Variants in GRIN2A observed in about 807,000 individuals in gnomAD.
GRIN2A encodes the protein glutamate ionotropic receptor NMDA type subunit 2A, also known as glutamate receptor ionotropic, NMDA 2A.
Under a neutral mutation model 113.4 loss-of-function variants are expected in GRIN2A, and 22 were observed. That is an observed-to-expected ratio of 0.19 (90% CI 0.14 to 0.28). The LOEUF (loss-of-function observed/expected upper bound fraction) is 0.28. GRIN2A is among the 10% of genes least tolerant of loss of function. The pLI is 1.00. For synonymous variants in GRIN2A, 827 were observed against 738.4 expected (o/e 1.12, Z -1.94); for missense variants, 1,502 against 1,887.0 (o/e 0.80, Z 3.78).
At chr16:10,022,970 T>C (rs1366380995) in intron 2 of GRIN2A, among the ~76,000 whole-genome samples, 2 of 152,132 alleles carry the variant, frequency 1.3e-5, no homozygotes, top group East Asian at 3.9e-4. Flanking sequence ...GATAAACTGC[T>C]CAGTTTGTAG....
At position 10,180,347 on chromosome 16, in the gene GRIN2A, G is replaced by T; in HGVS notation, c.65C>A (p.Ala22Glu). 6.2e-7 allele frequency: 1 copy of T among 1,608,218 alleles called. No homozygotes were observed. Among genetic ancestry groups the T allele is most frequent in the Non-Finnish European group, 8.5e-7 (1 of 1,179,854 alleles). The change falls in exon 2 of 13, where the codon GCG (alanine) becomes GAG (glutamate). Residue 22 changes from alanine to glutamate, a missense_variant. Physicochemically the swap from Ala to Glu is moderately radical, Grantham distance 107. Coordinates refer to ENST00000330684, the MANE Select transcript of GRIN2A (RefSeq NM_001134407.3). This position sits in a 1 kb window ranked among gnomAD's most constrained non-coding sequence, Gnocchi z 7.0. ...ACCCTTCTCCGCCGCCGCGCTCGGC[G>T]CCGGACCGCGCCAGACCAGAAGGGC... is the stretch of plus-strand genomic sequence containing the variant. ...LPALLVWRGP[A>E]PSAAAEKGPP...
At chr16:9,789,394 A>G (rs1046209840) in intron 11 of GRIN2A, among the ~76,000 whole-genome samples, 1 of 152,186 alleles carries the variant, frequency 6.6e-6, no homozygotes, top group Non-Finnish European at 1.5e-5. Flanking sequence ...AAAGAGACTG[A>G]ATCCCATATT....
intron 2 of GRIN2A, among the ~76,000 whole-genome samples, chr16:10,026,993 C>G (rs887993755): frequency 6.6e-6 from 1 of 152,168 alleles, no homozygotes; most frequent in African/African-American, 2.4e-5. Context: ...CACCACCACC[C>G]AAGGGCTTCC....
chr16:9,910,169 T>C (rs2044105908), intron 3 of GRIN2A, among the ~76,000 whole-genome samples: 1 of 152,172 alleles, frequency 6.6e-6, no homozygotes, highest in Non-Finnish European at 1.5e-5. Context: ...AACATTCTAG[T>C]ACAAGTTTTT....
At chr16:10,171,653 T>A (rs2050044917) in intron 2 of GRIN2A, 1 of 152,338 alleles carries the variant, frequency 6.6e-6, no homozygotes, top group African/African-American at 2.4e-5. Flanking sequence ...CATACCCTCA[T>A]GTAACCACAT....
At chr16:10,075,413 T>C (rs2047850513) in intron 2 of GRIN2A, among the ~76,000 whole-genome samples, 1 of 151,752 alleles carries the variant, frequency 6.6e-6, no homozygotes, top group East Asian at 1.9e-4. Flanking sequence ...AGACAGAAAG[T>C]AGAATAGTAG....
chr16:10,182,607 CT>C (rs1422018328), upstream of GRIN2A: 1 of 147,900 alleles, frequency 6.8e-6, no homozygotes, highest in Non-Finnish European at 1.5e-5. Flanking sequence ...CACCTCCCCC[CT>C]TCCCAAGGGG....
intron 2 of GRIN2A, among the ~76,000 whole-genome samples, chr16:10,161,048 G>A (rs2049799294): frequency 6.6e-6 from 1 of 152,210 alleles, no homozygotes; most frequent in Admixed American, 6.5e-5. Flanking sequence ...ATATGGTTTG[G>A]CTGTGTCCCC....
chr16:9,827,496 G>C (rs2141306640), intron 9 of GRIN2A, among the ~76,000 whole-genome samples: 1 of 152,346 alleles, frequency 6.6e-6, no homozygotes, highest in East Asian at 1.9e-4. Context: ...CCTGCAGGGA[G>C]CTCCAGAGAG....
intron 2 of GRIN2A, chr16:10,111,595 A>C (rs2048615571): frequency 9.5e-7 from 1 of 1,049,168 alleles, no homozygotes; most frequent in African/African-American, 1.6e-5. Flanking sequence ...CCCTATGGAC[A>C]CTGAGACAGA....
intron 5 of GRIN2A, among the ~76,000 whole-genome samples, chr16:9,846,503 A>G (rs189407711): frequency 1.2e-3 from 186 of 152,332 alleles, no homozygotes; most frequent in African/African-American, 4.2e-3. Context: ...TTGTGTGATA[A>G]TAGCTGAGAC....
intron 4 of GRIN2A, among the ~76,000 whole-genome samples, chr16:9,863,120 G>C (rs1426134448): frequency 6.6e-6 from 1 of 152,210 alleles, no homozygotes; most frequent in South Asian, 2.1e-4. Flanking sequence ...GGCAGGAGCT[G>C]TTACCACTGC....
At chr16:10,080,584 T>C (rs991615587) in intron 2 of GRIN2A, among the ~76,000 whole-genome samples, 3 of 152,190 alleles carry the variant, frequency 2.0e-5, no homozygotes, top group African/African-American at 4.8e-5. Flanking sequence ...AAATGAGTCA[T>C]GCAGAGGCTG....
chr16:10,089,421 A>G (rs2048143607), intron 2 of GRIN2A, among the ~76,000 whole-genome samples: 1 of 152,222 alleles, frequency 6.6e-6, no homozygotes. Context: ...TAAGCACAAC[A>G]ATGAATGTTA....
At chr16:10,159,378 G>C (rs1103655) in intron 2 of GRIN2A, among the ~76,000 whole-genome samples, 1 of 152,062 alleles carries the variant, frequency 6.6e-6, no homozygotes, top group South Asian at 2.1e-4. Flanking sequence ...GCACCTAGGG[G>C]AACAGGTCAG....
At chr16:10,126,683 C>G (rs773211706) in intron 2 of GRIN2A, among the ~76,000 whole-genome samples, 21 of 152,116 alleles carry the variant, frequency 1.4e-4, no homozygotes, top group Admixed American at 7.9e-4. Flanking sequence ...TTTTCCCTAC[C>G]ATTTGTTGGT....
intron 10 of GRIN2A, among the ~76,000 whole-genome samples, chr16:9,818,254 T>C (rs536551790): frequency 1.4e-4 from 22 of 152,112 alleles, no homozygotes; most frequent in African/African-American, 4.1e-4. Context: ...GGTGTAGCTC[T>C]GTGGTGGTAA....
chr16:10,104,783 C>T (rs1391312665), intron 2 of GRIN2A, among the ~76,000 whole-genome samples: 2 of 152,040 alleles, frequency 1.3e-5, no homozygotes, highest in Non-Finnish European at 2.9e-5. Flanking sequence ...CATCGTAGAC[C>T]CCACTGTGTG....
chr16:10,072,954 T>C (rs1480198902), intron 2 of GRIN2A, among the ~76,000 whole-genome samples: 3 of 139,600 alleles, frequency 2.1e-5, no homozygotes, highest in African/African-American at 7.6e-5. Context: ...CCCTTTTTTT[T>C]TTTTTTTTTT....
Sources: gnomAD v4.1 joint callset for allele counts (sites outside exome capture counted in the v4.1 genomes callset) on GRCh38, gnomAD v4.1.1 for gene constraint, Gnocchi (gnomAD v3.1) non-coding constraint, MANE v1.5 for transcripts, NCBI Gene and HGNC (gene_info 2026-07-23, HGNC 2026-07-21) for gene names.